The following DNAH11 variants were observed in gnomAD, a reference collection of about 807,000 sequenced individuals.
DNAH11 encodes dynein axonemal heavy chain 11.
In DNAH11, 442 loss-of-function variants were observed where a neutral mutation model predicts 526.0. The ratio of observed to expected loss-of-function variants is 0.84; its 90% CI spans 0.78 to 0.91. The LOEUF is 0.91. DNAH11 is among the 40% of genes least tolerant of loss of function. The pLI, the probability that DNAH11 is intolerant of heterozygous loss-of-function variation, is 0.00. For synonymous variants in DNAH11, 2,461 were observed against 1,935.9 expected (o/e 1.27, Z -7.12); for missense variants, 6,989 against 5,448.7 (o/e 1.28, Z -8.90).
At chr7:21,827,458 A>G (rs909599317) in intron 65 of DNAH11, among the ~76,000 whole-genome samples, 1 of 151,492 alleles carries the variant, frequency 6.6e-6, no homozygotes, top group Admixed American at 6.6e-5. Flanking sequence ...ATAATTTTTG[A>G]AAGACTGGAG....
At chr7:21,881,751 T>C (rs1161516748) in intron 75 of DNAH11, among the ~76,000 whole-genome samples, 1 of 152,194 alleles carries the variant, frequency 6.6e-6, no homozygotes, top group Non-Finnish European at 1.5e-5. Context: ...TAATGATTGT[T>C]ATAACTTTTT....
chr7:21,625,684 T>C (rs1254466117), intron 25 of DNAH11, among the ~76,000 whole-genome samples: 4 of 152,144 alleles, frequency 2.6e-5, no homozygotes, highest in Admixed American at 2.0e-4. Flanking sequence ...CCGTAAGTTT[T>C]AGTATGTTGT....
At position 21,784,410 on chromosome 7, in the gene DNAH11, T is replaced by C; in HGVS notation, c.9484-17T>C. 2 of 1,592,056 alleles carry C rather than the reference T, an allele frequency of 1.3e-6. No homozygotes were observed. The highest frequency in any genetic ancestry group is 1.1e-5 in the South Asian group (1 of 89,424). Reference sequence around the variant, plus strand: ...TAATAATTTATACGGGTTTGTGTGCTTTTCCTCTTTAATTAGGTGACAGCC... The same window carrying C: ...TAATAATTTATACGGGTTTGTGTGCCTTTCCTCTTTAATTAGGTGACAGCC... On this transcript the variant is annotated splice_polypyrimidine_tract_variant and intron_variant, in intron 57 of 81. Transcript: ENST00000409508.
intron 13 of DNAH11, 24 bp from the exon 14 acceptor site, chr7:21,591,161 T>G: frequency 6.6e-7 from 1 of 1,521,056 alleles, no homozygotes. Flanking sequence ...TGGCACTTTT[T>G]GTTTTGGGGT....
At chr7:21,812,006 A>T (rs1365030009) in intron 63 of DNAH11, among the ~76,000 whole-genome samples, 6 of 152,078 alleles carry the variant, frequency 3.9e-5, no homozygotes, top group African/African-American at 1.4e-4. Context: ...GAAGCCAGGG[A>T]TGGGGGTGTT....
chr7:21,610,844 A>G (rs890022833), intron 20 of DNAH11, among the ~76,000 whole-genome samples: 1 of 152,256 alleles, frequency 6.6e-6, no homozygotes, highest in Non-Finnish European at 1.5e-5. Context: ...AAAATATAAA[A>G]GAGCCTAAGG....
chr7:21,589,480 TG>T lies in DNAH11; in HGVS notation c.2169+78del. On this transcript the variant is annotated intron_variant, in intron 12 of 81. Transcript: ENST00000409508. ...CCTATTTCTGATATTTCCAGTCATT[TG>T]TAATTTACATTTGGGAAAATGTCAG... is the stretch of plus-strand genomic sequence containing the variant. 7 of 1,258,276 alleles carry T rather than the reference TG, an allele frequency of 5.6e-6. No homozygotes were observed. The South Asian group carries it at 1.0e-4, about 19-fold the overall frequency. The allele number at this position is 1,258,276 out of a possible 1,614,324, so 77.9% of individuals were successfully genotyped here.
At chr7:21,800,640 A>G (rs1453561383) in intron 61 of DNAH11, among the ~76,000 whole-genome samples, 1 of 152,156 alleles carries the variant, frequency 6.6e-6, no homozygotes, top group Non-Finnish European at 1.5e-5. Flanking sequence ...AAAAAAAATG[A>G]AAAAGAAAAA....
At chr7:21,711,668 G>C (rs372252679) in intron 41 of DNAH11, 44 bp from the exon 42 acceptor site, 1 of 1,588,562 alleles carries the variant, frequency 6.3e-7, no homozygotes, top group Middle Eastern at 1.7e-4. Context: ...GGATGTTTGC[G>C]GCATTGCTTT....
chr7:21,867,621 GC>G (rs1371997253), intron 71 of DNAH11, among the ~76,000 whole-genome samples: 6 of 152,254 alleles, frequency 3.9e-5, no homozygotes, highest in East Asian at 1.9e-4. Context: ...GGTCTCAGTA[GC>G]CCCCCAAAAT....
intron 42 of DNAH11, among the ~76,000 whole-genome samples, chr7:21,717,214 A>C (rs1389431089): frequency 6.6e-6 from 1 of 151,928 alleles, no homozygotes; most frequent in Non-Finnish European, 1.5e-5. Flanking sequence ...ACACACACAC[A>C]CACACACCCC....
At chr7:21,843,124 G>A (rs1250152917) in intron 66 of DNAH11, among the ~76,000 whole-genome samples, 1 of 152,208 alleles carries the variant, frequency 6.6e-6, no homozygotes, top group East Asian at 1.9e-4. Context: ...GGACCTGGTA[G>A]CTAGTTGTGA....
intron 66 of DNAH11, among the ~76,000 whole-genome samples, chr7:21,849,154 G>A (rs1782530608): frequency 6.6e-6 from 1 of 152,144 alleles, no homozygotes; most frequent in East Asian, 1.9e-4. Flanking sequence ...CAAAGTGCTG[G>A]GATTACGGGC....
Position 21,704,542 on chromosome 7 carries a change from C to T in DNAH11, c.6382C>T (p.Arg2128Trp), listed in dbSNP as rs765958695. Residue 2128 changes from arginine to tryptophan, a missense_variant, in exon 38 of 82, where the codon CGG (arginine) becomes TGG (tryptophan). Coordinates refer to ENST00000409508, the MANE Select transcript of DNAH11 (RefSeq NM_001277115.2). Reference sequence around the variant, plus strand: ...CCTGTTTCCAGCCCTGGATGTGCCCCGGAGGAGGAAGCTGCACTTTGAACA... The same window carrying T: ...CCTGTTTCCAGCCCTGGATGTGCCCTGGAGGAGGAAGCTGCACTTTGAACA... ...GDLFPALDVP[R>W]RRKLHFEQMV... 35 of 1,613,636 alleles carry T rather than the reference C, an allele frequency of 2.2e-5. No individual in the cohort carries two copies. The highest frequency in any genetic ancestry group is 1.6e-4 in the Middle Eastern group (1 of 6,082).
rs757207387 is a variant in DNAH11, at chr7:21,590,944, A to G, written c.2196A>G (p.Lys732=). The part of the protein sequence containing the change: ...PKLVAVLREV[K]YLLMLKKQDI... ...TAGTGGCTGTATTGAGAGAAGTGAA[A>G]TATCTTTTGATGTTGAAGAAACAAG... The change falls in exon 13 of 82, where the codon AAA becomes AAG. Residue 732 remains lysine (K), a synonymous_variant. Coordinates refer to ENST00000409508, the MANE Select transcript of DNAH11 (RefSeq NM_001277115.2). The G allele has an allele frequency of 2.5e-5, 37 of 1,494,744 alleles. No individual in the cohort carries two copies. The East Asian group carries it at 9.3e-4, about 38-fold the overall frequency. The allele number at this position is 1,494,744 out of a possible 1,614,324, so 92.6% of individuals were successfully genotyped here. A position where few individuals can be genotyped will look rare whatever the true frequency, so the allele number is the denominator to read the frequency against.
At chr7:21,612,550 G>C (rs542969156) in intron 20 of DNAH11, among the ~76,000 whole-genome samples, 1 of 72,902 alleles carries the variant, frequency 1.4e-5, no homozygotes, top group Non-Finnish European at 2.5e-5. Flanking sequence ...GTGAGGCTCC[G>C]TCTCAAAAAA....
At chr7:21,769,652 T>G (rs1787338147) in intron 55 of DNAH11, among the ~76,000 whole-genome samples, 1 of 152,032 alleles carries the variant, frequency 6.6e-6, no homozygotes, top group Non-Finnish European at 1.5e-5. Flanking sequence ...GCCCTGCTAA[T>G]TTTTGTACTT....
chr7:21,879,133 T>A (rs952462658), intron 74 of DNAH11, among the ~76,000 whole-genome samples: 1 of 152,080 alleles, frequency 6.6e-6, no homozygotes, highest in Non-Finnish European at 1.5e-5. Flanking sequence ...AGGATTCCAT[T>A]TTCCATCTGC....
At chr7:21,747,384 T>A (rs981962628) in intron 51 of DNAH11, among the ~76,000 whole-genome samples, 1 of 152,202 alleles carries the variant, frequency 6.6e-6, no homozygotes, top group Non-Finnish European at 1.5e-5. Flanking sequence ...TTAAAACAAT[T>A]TATGCAGTTT....
Sources: gnomAD v4.1 joint callset for allele counts (sites outside exome capture counted in the v4.1 genomes callset) on GRCh38, gnomAD v4.1.1 for gene constraint, MANE v1.5 for transcripts, NCBI Gene and HGNC (gene_info 2026-07-23, HGNC 2026-07-21) for gene names.